Variants in PCDH11X observed in about 807,000 individuals in gnomAD.
PCDH11X encodes protocadherin 11 X-linked, also known as protocadherin-11 X-linked.
In PCDH11X, 18 loss-of-function variants were observed where a neutral mutation model predicts 53.3. The ratio of observed to expected loss-of-function variants is 0.34; its 90% CI spans 0.23 to 0.50. The LOEUF (loss-of-function observed/expected upper bound fraction) is 0.50. Among genes scored for constraint, PCDH11X ranks in the 20% least tolerant of loss-of-function variants. The pLI is 0.98. For missense variants in PCDH11X, 570 were observed against 1,032.4 expected (o/e 0.55, Z 6.14); for synonymous variants, 279 against 393.3 (o/e 0.71, Z 3.44).
At chrX:92,496,467 G>A (rs35195652) in intron 10 of PCDH11X, among the ~76,000 whole-genome samples, 5 of 107,477 alleles carry the variant, frequency 4.7e-5, no homozygotes, top group Admixed American at 9.8e-5. Flanking sequence ...TTAGAGCATC[G>A]ATTAGTAAGC....
chrX:91,899,483 T>C (rs1471365415), intron 6 of PCDH11X, among the ~76,000 whole-genome samples: 4 of 110,732 alleles, frequency 3.6e-5, no homozygotes, highest in African/African-American at 1.3e-4. Flanking sequence ...GCAGGAACAA[T>C]ACTTTGCAAA....
chrX:92,430,580 C>A (rs779899455), intron 9 of PCDH11X, among the ~76,000 whole-genome samples: 1 of 94,685 alleles, frequency 1.1e-5, no homozygotes, highest in South Asian at 4.7e-4. Context: ...TTGCAACCTC[C>A]ATGAGATCAG....
intron 10 of PCDH11X, among the ~76,000 whole-genome samples, chrX:92,501,559 C>T (rs913284679): frequency 4.5e-5 from 5 of 111,824 alleles, no homozygotes; most frequent in African/African-American, 1.6e-4. Flanking sequence ...CCCTGGGATT[C>T]AAGGCTGGCT....
chrX:92,420,477 C>T (rs35253758), intron 9 of PCDH11X: 110 of 332,885 alleles, frequency 3.3e-4, no homozygotes, highest in South Asian at 1.5e-3. Flanking sequence ...TGAGATCTTT[C>T]GGCAATGAGT....
chrX:92,457,266 T>C (rs2148652878), intron 9 of PCDH11X, among the ~76,000 whole-genome samples: 1 of 110,131 alleles, frequency 9.1e-6, no homozygotes, highest in East Asian at 2.8e-4. Flanking sequence ...CCTTTCCCCA[T>C]GTGTTACAAT....
chrX:92,402,132 C>T (rs981584615), intron 9 of PCDH11X, among the ~76,000 whole-genome samples: 10 of 111,114 alleles, frequency 9.0e-5, no homozygotes, highest in African/African-American at 3.3e-4. Flanking sequence ...ACTCTGTAAC[C>T]TAGGTGACAC....
At chrX:92,040,555 G>A (rs1323626012) in intron 6 of PCDH11X, among the ~76,000 whole-genome samples, 1 of 111,898 alleles carries the variant, frequency 8.9e-6, no homozygotes, top group Non-Finnish European at 1.9e-5. Flanking sequence ...CCAGCGATAT[G>A]GGAGGGGTGA....
At chrX:92,245,759 C>G (rs1281347054) in intron 7 of PCDH11X, among the ~76,000 whole-genome samples, 5 of 111,787 alleles carry the variant, frequency 4.5e-5, no homozygotes, top group African/African-American at 1.6e-4. Context: ...GCCTTTTGTC[C>G]ACACAAAGGA....
intron 6 of PCDH11X, among the ~76,000 whole-genome samples, chrX:91,975,602 G>T (rs2062035325): frequency 9.0e-6 from 1 of 110,685 alleles, no homozygotes; most frequent in South Asian, 3.8e-4. Flanking sequence ...AGCTTTTGGA[G>T]ATCTAGGAGA....
intron 10 of PCDH11X, among the ~76,000 whole-genome samples, chrX:92,530,970 A>G (rs1358411387): frequency 1.8e-5 from 2 of 109,211 alleles, no homozygotes; most frequent in Non-Finnish European, 3.8e-5. Context: ...TTAATGCATT[A>G]TTTTCAAAAA....
At chrX:92,408,742 C>T (rs1338387015) in intron 9 of PCDH11X, among the ~76,000 whole-genome samples, 1 of 109,725 alleles carries the variant, frequency 9.1e-6, no homozygotes, top group African/African-American at 3.3e-5. Context: ...GCCACCATGC[C>T]GGGCTAATTT....
At chrX:92,234,164 A>G (rs1316932001) in intron 7 of PCDH11X, among the ~76,000 whole-genome samples, 2 of 112,460 alleles carry the variant, frequency 1.8e-5, no homozygotes, top group African/African-American at 6.5e-5. Flanking sequence ...TTTTTAATCA[A>G]TATAAGCTTG....
intron 6 of PCDH11X, among the ~76,000 whole-genome samples, chrX:91,944,756 G>T (rs1306117542): frequency 4.6e-5 from 5 of 109,140 alleles, no homozygotes; most frequent in Non-Finnish European, 7.7e-5. Flanking sequence ...ATGAAACTAG[G>T]ATATTTATCA....
chrX:92,274,126 G>A (rs2068024335), intron 8 of PCDH11X, among the ~76,000 whole-genome samples: 1 of 101,226 alleles, frequency 9.9e-6, no homozygotes. Flanking sequence ...ATGAGACTGG[G>A]GCCTAATAAA....
At chrX:92,328,921 C>T (rs2069398683) in intron 8 of PCDH11X, among the ~76,000 whole-genome samples, 1 of 110,788 alleles carries the variant, frequency 9.0e-6, no homozygotes, top group Non-Finnish European at 1.9e-5. Flanking sequence ...AAACTATACC[C>T]CAACTCATTC....
intron 6 of PCDH11X, among the ~76,000 whole-genome samples, chrX:92,116,857 G>C (rs1005253068): frequency 5.9e-4 from 65 of 110,114 alleles, no homozygotes; most frequent in African/African-American, 2.1e-3. Flanking sequence ...CATAGTGCTG[G>C]GATTACAGAC....
intron 6 of PCDH11X, among the ~76,000 whole-genome samples, chrX:92,139,461 G>A (rs997935292): frequency 3.7e-5 from 4 of 107,619 alleles, no homozygotes; most frequent in Non-Finnish European, 7.7e-5. Flanking sequence ...ATGGGGTTTC[G>A]CCATGTTGAC....
chrX:92,306,961 GA>G (rs917427799), intron 8 of PCDH11X, among the ~76,000 whole-genome samples: 36 of 109,421 alleles, frequency 3.3e-4, no homozygotes, highest in Non-Finnish European at 2.1e-4. Flanking sequence ...AGGGGAAGGG[GA>G]ACAAAAAATA....
intron 7 of PCDH11X, among the ~76,000 whole-genome samples, chrX:92,262,278 T>G (rs1056740650): frequency 2.9e-4 from 32 of 111,481 alleles, no homozygotes; most frequent in African/African-American, 1.0e-3. Context: ...TATAAGGAAC[T>G]TTTGCATAAC....
Sources: allele counts gnomAD v4.1 joint callset (sites outside exome capture counted in the v4.1 genomes callset), GRCh38; gene constraint gnomAD v4.1.1; transcripts MANE v1.5; gene names NCBI Gene and HGNC (gene_info 2026-07-23, HGNC 2026-07-21).